The following CNTNAP5 variants were observed in gnomAD, a reference collection of about 807,000 sequenced individuals.
The protein encoded by CNTNAP5 is contactin associated protein family member 5, also known as contactin-associated protein-like 5.
In CNTNAP5, 72 loss-of-function variants were observed where a neutral mutation model predicts 150.2. The observed-to-expected ratio is 0.48, with a 90% CI of 0.40 to 0.58. The LOEUF is 0.58. Among genes scored for constraint, CNTNAP5 ranks in the 20% least tolerant of loss-of-function variants. The pLI is 0.00. For synonymous variants in CNTNAP5, 672 were observed against 619.8 expected, an observed-to-expected ratio of 1.08 and a Z score of -1.25; for missense variants, 1,636 against 1,626.2, an observed-to-expected ratio of 1.01 and a Z score of -0.10.
chr2:124,708,528 C>G (rs373122738), intron 13 of CNTNAP5, among the ~76,000 whole-genome samples: 5 of 151,808 alleles, frequency 3.3e-5, no homozygotes, highest in Non-Finnish European at 5.9e-5. Flanking sequence ...CAAACAAAGG[C>G]GGAAAATGTA....
chr2:124,660,994 G>A (rs1039913977), intron 13 of CNTNAP5, among the ~76,000 whole-genome samples: 3 of 151,488 alleles, frequency 2.0e-5, no homozygotes, highest in Admixed American at 6.6e-5. Flanking sequence ...GCTGTGTAGG[G>A]CACTTACCAT....
intron 1 of CNTNAP5, among the ~76,000 whole-genome samples, chr2:124,148,631 A>G (rs984996742): frequency 6.0e-5 from 9 of 149,018 alleles, no homozygotes; most frequent in African/African-American, 2.0e-4. Context: ...ACTATTGATA[A>G]TGCTCATTTA....
At chr2:124,851,992 A>G (rs1044117201) in intron 19 of CNTNAP5, among the ~76,000 whole-genome samples, 1 of 152,212 alleles carries the variant, frequency 6.6e-6, no homozygotes, top group Non-Finnish European at 1.5e-5. Context: ...ACCAGACAAT[A>G]TGAGCTGGGA....
chr2:124,360,134 CT>C (rs1228191241), intron 3 of CNTNAP5, among the ~76,000 whole-genome samples: 1 of 145,584 alleles, frequency 6.9e-6, no homozygotes, highest in Non-Finnish European at 1.5e-5. Context: ...CAACCCCTGC[CT>C]TTTTTTGTTT....
intron 3 of CNTNAP5, among the ~76,000 whole-genome samples, chr2:124,356,791 G>A (rs1256703240): frequency 6.6e-6 from 1 of 151,432 alleles, no homozygotes; most frequent in African/African-American, 2.4e-5. Context: ...CTTTATAGCA[G>A]CATGATTTAT....
intron 11 of CNTNAP5, among the ~76,000 whole-genome samples, chr2:124,577,870 A>G (rs1401044575): frequency 1.3e-5 from 2 of 152,082 alleles, no homozygotes; most frequent in Non-Finnish European, 2.9e-5. Context: ...GGTCAGAGGG[A>G]TATGGACTTG....
At chr2:124,026,794 C>G (rs1236723436) in intron 1 of CNTNAP5, among the ~76,000 whole-genome samples, 1 of 152,220 alleles carries the variant, frequency 6.6e-6, no homozygotes, top group Non-Finnish European at 1.5e-5. Context: ...GTAATTTGCA[C>G]TATCATGGTT....
intron 12 of CNTNAP5, among the ~76,000 whole-genome samples, chr2:124,639,940 C>G (rs1019188367): frequency 2.6e-5 from 4 of 152,064 alleles, no homozygotes; most frequent in African/African-American, 9.7e-5. Flanking sequence ...CCACTCCCCC[C>G]TTTGCTGCTG....
At chr2:124,637,616 A>G (rs1006871941) in intron 12 of CNTNAP5, among the ~76,000 whole-genome samples, 3 of 152,128 alleles carry the variant, frequency 2.0e-5, no homozygotes, top group Admixed American at 6.5e-5. Flanking sequence ...GTTCCTCAAC[A>G]TTTCCTCCCA....
intron 17 of CNTNAP5, among the ~76,000 whole-genome samples, chr2:124,775,913 G>C (rs1227788718): frequency 1.3e-5 from 2 of 152,116 alleles, no homozygotes; most frequent in Non-Finnish European, 1.5e-5. Context: ...AAGAAAAATC[G>C]AAGATCCAAT....
chr2:124,180,921 C>A (rs1296039712), intron 1 of CNTNAP5, among the ~76,000 whole-genome samples: 1 of 151,954 alleles, frequency 6.6e-6, no homozygotes, highest in Non-Finnish European at 1.5e-5. Context: ...ATGTATCAAG[C>A]CTGGTAAAAG....
chr2:124,496,630 G>C (rs560506652), intron 7 of CNTNAP5, among the ~76,000 whole-genome samples: 1 of 152,184 alleles, frequency 6.6e-6, no homozygotes, highest in Non-Finnish European at 1.5e-5. Flanking sequence ...TTGAAAAATA[G>C]CCAAGCTAAG....
At chr2:124,810,644 T>C (rs1339632564) in intron 19 of CNTNAP5, among the ~76,000 whole-genome samples, 1 of 151,916 alleles carries the variant, frequency 6.6e-6, no homozygotes, top group Non-Finnish European at 1.5e-5. Context: ...TAAAGAAGTA[T>C]ATAAAAAAGA....
intron 13 of CNTNAP5, among the ~76,000 whole-genome samples, chr2:124,727,918 TTGAG>T (rs1680192807): frequency 6.6e-6 from 1 of 152,098 alleles, no homozygotes; most frequent in Non-Finnish European, 1.5e-5. Flanking sequence ...ACTTTAAAGA[TTGAG>T]TATGACGTTA....
intron 3 of CNTNAP5, among the ~76,000 whole-genome samples, chr2:124,256,564 G>C (rs1687321406): frequency 6.6e-6 from 1 of 152,104 alleles, no homozygotes; most frequent in South Asian, 2.1e-4. Flanking sequence ...AGTTCCTGCA[G>C]CTGGCTCGTG....
At chr2:124,754,313 A>C (rs1256801682) in intron 14 of CNTNAP5, among the ~76,000 whole-genome samples, 1 of 152,168 alleles carries the variant, frequency 6.6e-6, no homozygotes, top group African/African-American at 2.4e-5. Context: ...ATTATTCATT[A>C]ATCTGTTTAT....
At position 124,802,227 on chromosome 2, in the gene CNTNAP5, T is replaced by C. The variant is rs141045546; in HGVS notation, c.3217+3907T>C. ...CTGCACACAATTCTCAGCTTGCAAATTTATTTAATATAGTTGAACGGGCCA... is the reference window on the plus strand; with the variant it reads ...CTGCACACAATTCTCAGCTTGCAAACTTATTTAATATAGTTGAACGGGCCA... On this transcript the variant is annotated intron_variant, in intron 19 of 23. Transcript: ENST00000682447. Among the ~76,000 whole-genome samples, 132 of 152,280 alleles carry C rather than the reference T, an allele frequency of 8.7e-4. 1 individual carries two copies. Among genetic ancestry groups the C allele is most frequent in the African/African-American group, 3.1e-3 (127 of 41,554 alleles).
At chr2:124,786,862 A>C in intron 17 of CNTNAP5, among the ~76,000 whole-genome samples, 1 of 152,224 alleles carries the variant, frequency 6.6e-6, no homozygotes, top group South Asian at 2.1e-4. Flanking sequence ...ATAAAGAAAA[A>C]GCAAACTTAC....
intron 6 of CNTNAP5, among the ~76,000 whole-genome samples, chr2:124,468,950 C>A (rs1475357424): frequency 6.6e-6 from 1 of 152,208 alleles, no homozygotes; most frequent in South Asian, 2.1e-4. Context: ...TCATGCTGAA[C>A]TTGAGACAGC....
Sources: allele counts gnomAD v4.1 joint callset (sites outside exome capture counted in the v4.1 genomes callset), GRCh38; gene constraint gnomAD v4.1.1; transcripts MANE v1.5; gene names NCBI Gene and HGNC (gene_info 2026-07-23, HGNC 2026-07-21).